The following DMD variants were observed in gnomAD, a reference collection of about 807,000 sequenced individuals.
DMD encodes dystrophin.
DMD carries 63 observed loss-of-function variants against 330.1 expected under a neutral mutation model. The observed-to-expected ratio is 0.19, with a 90% confidence interval of 0.16 to 0.24. The LOEUF (loss-of-function observed/expected upper bound fraction) is 0.24. DMD is among the 10% of genes least tolerant of loss of function. DMD has a pLI of 1.00. For synonymous variants in DMD, 1,223 were observed against 959.8 expected (o/e 1.27, Z -5.07); for missense variants, 3,344 against 2,684.1 (o/e 1.25, Z -5.43).
At chrX:31,670,473 C>T (rs1172958139) in intron 53 of DMD, among the ~76,000 whole-genome samples, 1 of 111,690 alleles carries the variant, frequency 9.0e-6, no homozygotes, top group Non-Finnish European at 1.9e-5. Context: ...GTATTCGTTT[C>T]CTCGGGCTTC....
intron 60 of DMD, among the ~76,000 whole-genome samples, chrX:31,356,334 A>T (rs1664967922): frequency 9.0e-6 from 1 of 110,680 alleles, no homozygotes; most frequent in African/African-American, 3.3e-5. Flanking sequence ...CTTCTTTCTT[A>T]ATCTGACTCC....
intron 32 of DMD, 26 bp from the exon 33 acceptor site, chrX:32,386,491 T>C: frequency 8.9e-7 from 1 of 1,125,751 alleles, no homozygotes. Context: ...AAACAAAACA[T>C]GATAATCAGT....
chrX:33,140,382 C>A (rs1475568046), intron 1 of DMD, among the ~76,000 whole-genome samples: 1 of 111,857 alleles, frequency 8.9e-6, no homozygotes, highest in Non-Finnish European at 1.9e-5. Flanking sequence ...CTAGGTTTTT[C>A]TAAATAGTAC....
At chrX:32,395,222 G>A (rs750707663) in intron 30 of DMD, among the ~76,000 whole-genome samples, 28 of 111,735 alleles carry the variant, frequency 2.5e-4, no homozygotes, top group African/African-American at 9.1e-4. Flanking sequence ...TTATTCGTAT[G>A]TTGATAGCAT....
At chrX:32,708,298 TG>T (rs1448188944) in intron 7 of DMD, among the ~76,000 whole-genome samples, 1 of 109,549 alleles carries the variant, frequency 9.1e-6, no homozygotes, top group African/African-American at 3.4e-5. Context: ...TTTTTTTTTT[TG>T]AAAAAAATAT....
chrX:31,745,203 A>T (rs1433630751), intron 51 of DMD, among the ~76,000 whole-genome samples: 1 of 111,494 alleles, frequency 9.0e-6, no homozygotes, highest in East Asian at 2.8e-4. Flanking sequence ...AGTAGCTTTA[A>T]AACTAAAGTG....
At chrX:32,785,589 T>C (rs1324718590) in intron 7 of DMD, among the ~76,000 whole-genome samples, 1 of 111,652 alleles carries the variant, frequency 9.0e-6, no homozygotes, top group Non-Finnish European at 1.9e-5. Context: ...GCAAAGATAT[T>C]ATCATTTAAT....
chrX:32,369,906 T>C (rs1479264662), intron 34 of DMD, among the ~76,000 whole-genome samples: 1 of 111,307 alleles, frequency 9.0e-6, no homozygotes, highest in Non-Finnish European at 1.9e-5. Flanking sequence ...CAGACTTATT[T>C]TAGCTATTCC....
chrX:31,206,665 C>A lies in DMD; in HGVS notation c.9566G>T (p.Gly3189Val). ...LNWLLNVYDT[G>V]RTGRIRVLSF... is the part of the protein sequence containing the mutation. ...CAGGACACGGATCCTCCCTGTTCGT[C>A]CCCTATTATGAAGAATCAAAGCAGA... Residue 3189 changes from glycine (G) to valine (V), a missense_variant and splice_region_variant, in exon 66 of 79, where the codon GGA becomes GTA. Gly to Val is a moderately radical substitution (Grantham distance 109). Coordinates refer to ENST00000357033, the MANE Select transcript of DMD (RefSeq NM_004006.3). 2 of 1,204,665 alleles carry A rather than the reference C, an allele frequency of 1.7e-6. No individual in the cohort carries two copies. Among genetic ancestry groups the A allele is most frequent in the Admixed American group, 2.2e-5 (1 of 45,939 alleles).
At chrX:31,174,622 A>C (rs957778122) in intron 71 of DMD, among the ~76,000 whole-genome samples, 1 of 111,671 alleles carries the variant, frequency 9.0e-6, no homozygotes, top group Admixed American at 9.5e-5. Context: ...GTCAACGATA[A>C]TGTAATTCAG....
chrX:31,190,412 CAG>C (rs1177402919), intron 67 of DMD, among the ~76,000 whole-genome samples: 2 of 109,383 alleles, frequency 1.8e-5, no homozygotes, highest in Non-Finnish European at 3.8e-5. Context: ...GCAGTCCTAA[CAG>C]AGGAATTTCT....
chrX:32,075,042 T>C (rs1183904272), intron 44 of DMD, among the ~76,000 whole-genome samples: 1 of 112,043 alleles, frequency 8.9e-6, no homozygotes, highest in Non-Finnish European at 1.9e-5. Flanking sequence ...TTGAATCGAC[T>C]GGAGAGGAAC....
At chrX:32,253,388 CA>C (rs761618300) in intron 43 of DMD, among the ~76,000 whole-genome samples, 2 of 110,467 alleles carry the variant, frequency 1.8e-5, no homozygotes, top group Non-Finnish European at 3.8e-5. Flanking sequence ...GTGTGCTATT[CA>C]AATTTCTGGA....
chrX:31,510,371 G>A (rs1225209233), intron 55 of DMD, among the ~76,000 whole-genome samples: 2 of 111,142 alleles, frequency 1.8e-5, no homozygotes, highest in Non-Finnish European at 3.8e-5. Flanking sequence ...GAACCTGAAC[G>A]AAGATACTAC....
intron 45 of DMD, among the ~76,000 whole-genome samples, chrX:31,956,098 C>G (rs891169035): frequency 4.5e-5 from 5 of 110,665 alleles, no homozygotes; most frequent in African/African-American, 1.6e-4. Context: ...TTGTCCACTT[C>G]CTACACCTTG....
intron 51 of DMD, among the ~76,000 whole-genome samples, chrX:31,734,228 T>A (rs185947452): frequency 3.1e-4 from 34 of 110,028 alleles, no homozygotes; most frequent in Middle Eastern, 4.8e-3. Flanking sequence ...ATATATATAT[T>A]TTTTTTCTGA....
intron 62 of DMD, among the ~76,000 whole-genome samples, chrX:31,302,441 A>G (rs1418401451): frequency 9.0e-6 from 1 of 111,512 alleles, no homozygotes; most frequent in Non-Finnish European, 1.9e-5. Context: ...GATTTGATTC[A>G]CTCTTATAGT....
Position 32,954,297 on chromosome X carries a change from G to A in DMD, c.93+65842C>T, listed in dbSNP as rs191426589. On this transcript the variant is annotated intron_variant, in intron 2 of 78. Transcript: ENST00000357033. ...GGATTCAAGGACCTCAGAGTCGAGT[G>A]GAAACTCTTTCTTTAAATAGAATGT... Among the ~76,000 whole-genome samples the A allele has an allele frequency of 9.0e-5, 10 of 111,593 alleles. No homozygotes were observed. In the East Asian group the frequency reaches 2.0e-3, roughly 22 times the overall value.
In DMD at chrX:31,298,410, T is replaced by TACAC. The variant is rs35043650; in HGVS notation, c.9224+25184_9224+25187dup. On this transcript the variant is annotated intron_variant, in intron 62 of 78. Transcript: ENST00000357033. ...ATTCAAACACACACACACACACACA[T>TACAC]ACACACACACACACACACACATACA... Among the ~76,000 whole-genome samples, 229 of 97,854 alleles carry TACAC rather than the reference T, an allele frequency of 2.3e-3. 1 individual carries two copies. Among genetic ancestry groups the TACAC allele is most frequent in the African/African-American group, 8.4e-3 (205 of 24,447 alleles). The allele number at this position is 97,854 out of a possible 115,157, so 85.0% of individuals were successfully genotyped here. A position where few individuals can be genotyped will look rare whatever the true frequency, so the allele number is the denominator to read the frequency against.
Sources: allele counts gnomAD v4.1 joint callset (sites outside exome capture counted in the v4.1 genomes callset), GRCh38; gene constraint gnomAD v4.1.1; transcripts MANE v1.5; gene names NCBI Gene and HGNC (gene_info 2026-07-23, HGNC 2026-07-21).